Variants in CHD7 observed in about 807,000 individuals in gnomAD.
CHD7 encodes chromodomain helicase DNA binding protein 7, also known as ATP-dependent chromatin remodeler CHD7.
In CHD7, 24 loss-of-function variants were observed where a neutral mutation model predicts 307.3. The ratio of observed to expected loss-of-function variants is 0.08; its 90% CI spans 0.06 to 0.11. The LOEUF (loss-of-function observed/expected upper bound fraction) is 0.11. Among genes scored for constraint, CHD7 ranks in the 10% least tolerant of loss-of-function variants. CHD7 has a pLI of 1.00. For missense variants in CHD7, 3,106 were observed against 3,727.1 expected (o/e 0.83, Z 4.34); for synonymous variants, 1,363 against 1,349.9 (o/e 1.01, Z -0.21).
intron 24 of CHD7, 23 bp from the exon 25 acceptor site, chr8:60,849,028 T>G: frequency 6.4e-7 from 1 of 1,567,798 alleles, no homozygotes; most frequent in Non-Finnish European, 8.8e-7. Flanking sequence ...ATACTAATAT[T>G]TCTTATAAAT....
chr8:60,845,188 T>G (rs904665420), intron 22 of CHD7, 62 bp from the exon 23 acceptor site: 2 of 1,574,486 alleles, frequency 1.3e-6, no homozygotes, highest in African/African-American at 2.7e-5. Context: ...TTAAGCTCTC[T>G]GCCATTGACA....
chr8:60,787,871 CAG>C (rs1353213164), intron 3 of CHD7, among the ~76,000 whole-genome samples: 1 of 146,386 alleles, frequency 6.8e-6, no homozygotes, highest in Admixed American at 7.0e-5. Flanking sequence ...CTCTGTTGCC[CAG>C]GGTGGAGGGC....
intron 6 of CHD7, among the ~76,000 whole-genome samples, chr8:60,802,777 C>G (rs767645329): frequency 1.3e-5 from 2 of 152,170 alleles, no homozygotes; most frequent in Non-Finnish European, 2.9e-5. Context: ...AATAGGAAAC[C>G]ATTACTATTC....
chr8:60,700,013 A>T (rs1056567972), intron 1 of CHD7, among the ~76,000 whole-genome samples: 5 of 151,744 alleles, frequency 3.3e-5, no homozygotes, highest in Non-Finnish European at 7.4e-5. Context: ...TATTTTTAGT[A>T]GGGAGGGGGT....
chr8:60,810,093 G>C (rs554366913), intron 7 of CHD7, among the ~76,000 whole-genome samples: 51 of 152,306 alleles, frequency 3.3e-4, no homozygotes, highest in African/African-American at 1.2e-3. Flanking sequence ...CATTATCCCA[G>C]ATTTGGTCAG....
chr8:60,726,949 T>G (rs1330841024), intron 1 of CHD7, among the ~76,000 whole-genome samples: 1 of 152,196 alleles, frequency 6.6e-6, no homozygotes, highest in Non-Finnish European at 1.5e-5. Flanking sequence ...CCCTTCTTAC[T>G]TGTCTCTGTC....
chr8:60,855,463 G>A (rs933912438), intron 32 of CHD7, among the ~76,000 whole-genome samples: 2 of 152,140 alleles, frequency 1.3e-5, no homozygotes, highest in African/African-American at 2.4e-5. Flanking sequence ...ACATTCATTA[G>A]GTGTTCCTAG....
At chr8:60,689,928 G>A (rs1033008337) in intron 1 of CHD7, among the ~76,000 whole-genome samples, 1 of 152,080 alleles carries the variant, frequency 6.6e-6, no homozygotes, top group African/African-American at 2.4e-5. Context: ...TCTTTATCTC[G>A]CTGCACAGGA....
chr8:60,697,193 G>A (rs562559891), intron 1 of CHD7, among the ~76,000 whole-genome samples: 1 of 152,252 alleles, frequency 6.6e-6, no homozygotes, highest in African/African-American at 2.4e-5. Flanking sequence ...ATTCTGTCTT[G>A]GAGTTAGTTG....
intron 1 of CHD7, among the ~76,000 whole-genome samples, chr8:60,690,824 C>G (rs1370778454): frequency 6.6e-6 from 1 of 152,176 alleles, no homozygotes; most frequent in East Asian, 1.9e-4. Flanking sequence ...GCACAGAAAC[C>G]CAGGCCGTAC....
chr8:60,780,731 G>T (rs927524501), intron 2 of CHD7, among the ~76,000 whole-genome samples: 1 of 152,172 alleles, frequency 6.6e-6, no homozygotes, highest in African/African-American at 2.4e-5. Context: ...AGTGTCTTCA[G>T]TTGAGTGAGT....
At chr8:60,832,534 A>G (rs1804566576) in intron 15 of CHD7, among the ~76,000 whole-genome samples, 1 of 152,190 alleles carries the variant, frequency 6.6e-6, no homozygotes, top group Non-Finnish European at 1.5e-5. Flanking sequence ...GTGTGCATGC[A>G]CTGTGCACAT....
intron 1 of CHD7, 36 bp from the exon 2 acceptor site, chr8:60,741,223 C>T: frequency 1.8e-6 from 1 of 562,304 alleles, no homozygotes; most frequent in Non-Finnish European, 3.1e-6. Flanking sequence ...TCTTTGTTTT[C>T]TTCCTTCTTC....
rs144690167 is a variant in CHD7, at chr8:60,797,913, T to C, written c.2239-2475T>C. ...TTTTCTTTGGAAAGCTGGAGCTGAT[T>C]AATGATGACTTTAGTCCTACTAATT... On this transcript the variant is annotated intron_variant, in intron 4 of 37. Transcript: ENST00000423902. Among the ~76,000 whole-genome samples the C allele has an allele frequency of 1.9e-3, 282 of 152,340 alleles. 2 individuals are homozygous for C. The Middle Eastern group carries it at 0.024, about 13-fold the overall frequency.
intron 19 of CHD7, among the ~76,000 whole-genome samples, chr8:60,839,162 T>C (rs1804863843): frequency 6.6e-6 from 1 of 152,224 alleles, no homozygotes; most frequent in Non-Finnish European, 1.5e-5. Flanking sequence ...CTCTGGACAG[T>C]GGACAGTTCA....
At chr8:60,850,700 C>T in intron 26 of CHD7, 78 bp downstream of exon 26, 1 of 1,395,922 alleles carries the variant, frequency 7.2e-7, no homozygotes, top group Non-Finnish European at 9.9e-7. Flanking sequence ...TCTTACCCTG[C>T]AGTACACACT....
chr8:60,678,904 C>T lies in CHD7; in HGVS notation c.-353C>T, dbSNP rs1277618393. The T allele has an allele frequency of 2.0e-5, 3 of 152,554 alleles. No homozygotes were observed. The highest frequency in any genetic ancestry group is 4.4e-5 in the Non-Finnish European group (3 of 68,314). 9.5% of individuals were successfully genotyped at this position (152,554 alleles called of 1,614,324 possible). A position where few individuals can be genotyped will look rare whatever the true frequency, so the allele number is the denominator to read the frequency against. On this transcript the variant is annotated 5_prime_UTR_variant, in exon 1 of 38. Transcript: ENST00000423902. ...AGTGAAATTACACAAAGGAGCGCCG[C>T]GGAGGAGGCGGCCCGGGGACCCGGA...
At chr8:60,805,214 G>A (rs1305865819) in intron 6 of CHD7, among the ~76,000 whole-genome samples, 1 of 152,144 alleles carries the variant, frequency 6.6e-6, no homozygotes, top group Non-Finnish European at 1.5e-5. Context: ...GTTTCTGAGG[G>A]CTTATGAATT....
At chr8:60,807,158 A>G (rs1812573198) in intron 6 of CHD7, among the ~76,000 whole-genome samples, 1 of 152,244 alleles carries the variant, frequency 6.6e-6, no homozygotes, top group Admixed American at 6.5e-5. Context: ...GATCTGTGCC[A>G]GTCTGTTATC....
Sources: gnomAD v4.1 joint callset for allele counts (sites outside exome capture counted in the v4.1 genomes callset) on GRCh38, gnomAD v4.1.1 for gene constraint, MANE v1.5 for transcripts, NCBI Gene and HGNC (gene_info 2026-07-23, HGNC 2026-07-21) for gene names.